Variants in CAMK1 observed in about 807,000 individuals in gnomAD.
CAMK1 encodes the protein calcium/calmodulin dependent protein kinase I, also known as calcium/calmodulin-dependent protein kinase type 1.
A neutral mutation model predicts 49.1 loss-of-function variants in CAMK1; 39 were observed. The observed-to-expected ratio is 0.79, with a 90% CI of 0.62 to 1.04. The LOEUF is 1.04. Among genes scored for constraint, CAMK1 ranks in the 50% least tolerant of loss-of-function variants. CAMK1 has a pLI of 0.00. For missense variants in CAMK1, 457 were observed against 472.2 expected (o/e 0.97, Z 0.30); for synonymous variants, 192 against 185.2 (o/e 1.04, Z -0.30).
chr3:9,769,066 A>T (rs1391733299), intron 1 of CAMK1, among the ~76,000 whole-genome samples: 1 of 151,948 alleles, frequency 6.6e-6, no homozygotes, highest in African/African-American at 2.4e-5. Context: ...TTGTATCCAC[A>T]TCCCGTGACA....
In CAMK1 at chr3:9,761,651, C is replaced by T. The variant is rs1207464278; in HGVS notation, c.536G>A (p.Cys179Tyr). The T allele has an allele frequency of 6.2e-7, 1 of 1,614,180 alleles. No homozygotes were observed. The highest frequency in any genetic ancestry group is 8.5e-7 in the Non-Finnish European group (1 of 1,180,014). The change falls in exon 6 of 12, where the codon TGT becomes TAT. Residue 179 changes from cysteine (C) to tyrosine (Y), a missense_variant. Coordinates refer to ENST00000256460, the MANE Select transcript of CAMK1 (RefSeq NM_003656.5). Reference sequence around the variant, plus strand: ...CGCACCCACGTATCCCGGAGTTCCACAGGCGGTGGAGAGCACACTGCCCGG... The same window carrying T: ...CGCACCCACGTATCCCGGAGTTCCATAGGCGGTGGAGAGCACACTGCCCGG... ...EDPGSVLSTA[C>Y]GTPGYVAPEV...
At chr3:9,759,965 G>A (rs982576391) in intron 8 of CAMK1, 35 of 606,420 alleles carry the variant, frequency 5.8e-5, no homozygotes, top group South Asian at 1.8e-4. Context: ...ACATATGGCC[G>A]GGCACAGTGG....
chr3:9,762,702 T>C (rs376643136), intron 5 of CAMK1, among the ~76,000 whole-genome samples: 13 of 152,214 alleles, frequency 8.5e-5, no homozygotes, highest in East Asian at 3.9e-4. Flanking sequence ...GACAAAATGT[T>C]GTTTGGATAA....
chr3:9,759,945 CTT>C (rs2077770896), intron 8 of CAMK1, 195 bp from the exon 9 acceptor site: 1 of 775,782 alleles, frequency 1.3e-6, no homozygotes, highest in Non-Finnish European at 2.0e-6. Flanking sequence ...TCCTTTCTCT[CTT>C]AAGAAAAACA....
Position 9,757,872 on chromosome 3 carries a change from A to T in CAMK1, c.913-26T>A. The T allele has an allele frequency of 6.3e-7, 1 of 1,581,974 alleles. No individual in the cohort carries two copies. Among genetic ancestry groups the T allele is most frequent in the South Asian group, 1.1e-5 (1 of 88,424 alleles). ...CTGGCATTGAAGGCATTGAAGGGAG[A>T]GGGGAGAAAGGACTTTTGAGAGAGT... On this transcript the variant is annotated intron_variant, in intron 10 of 11. Transcript: ENST00000256460. The surrounding 1 kb of genome is among the most constrained non-coding windows in gnomAD (Gnocchi z 4.5).
rs1310854701 is a variant in CAMK1 at position 9,764,611 on chromosome 3, G to GT, written c.215+1147dup. The stretch of plus-strand genomic sequence containing the variant: ...ACAGGCGTGAGCCACTGCGCCTGGC[G>GT]TTTTTGTTTTTTTTTTGTTTTTTTT... On this transcript the variant is annotated intron_variant, in intron 3 of 11. Transcript: ENST00000256460. 2.6e-3 allele frequency among the ~76,000 whole-genome samples: 330 copies of GT among 125,084 alleles called. 27 individuals are homozygous for GT. The highest frequency in any genetic ancestry group is 8.9e-3 in the East Asian group (29 of 3,246). The allele number at this position is 125,084 out of a possible 152,430, so 82.1% of individuals were successfully genotyped here.
intron 8 of CAMK1, 50 bp downstream of exon 8, chr3:9,760,606 G>A (rs1442743840): frequency 1.9e-6 from 3 of 1,596,290 alleles, no homozygotes; most frequent in Middle Eastern, 1.7e-4. Flanking sequence ...AAGCAGGTGA[G>A]GGAGGAACCA....
chr3:9,758,818 C>G (rs2077709748), intron 10 of CAMK1: 1 of 278,516 alleles, frequency 3.6e-6, no homozygotes, highest in Non-Finnish European at 7.0e-6. Context: ...TTAGTAGAGA[C>G]AGGGTTTTGC....
intron 8 of CAMK1, 146 bp downstream of exon 8, chr3:9,760,509 AG>A (rs1025896491): frequency 3.4e-5 from 24 of 696,468 alleles, no homozygotes; most frequent in Non-Finnish European, 5.4e-5. Context: ...AGAAGGAAGA[AG>A]GGGTAGGGTG....
intron 3 of CAMK1, among the ~76,000 whole-genome samples, chr3:9,765,326 A>G (rs2078104058): frequency 6.6e-6 from 1 of 152,122 alleles, no homozygotes; most frequent in South Asian, 2.1e-4. Context: ...AGGAGGTTTC[A>G]TATCAGCATG....
intron 3 of CAMK1, 122 bp from the exon 4 acceptor site, chr3:9,763,335 G>T: frequency 8.5e-7 from 1 of 1,176,522 alleles, no homozygotes; most frequent in Middle Eastern, 2.7e-4. Flanking sequence ...CAAAGCTGCA[G>T]TCTGTTATGA....
rs867535337 is a variant in CAMK1, at chr3:9,757,617, C to T, written c.1035G>A (p.Pro345=). 11 of 1,614,054 alleles carry T rather than the reference C, an allele frequency of 6.8e-6. No homozygotes were observed. The highest frequency in any genetic ancestry group is 4.0e-5 in the African/African-American group (3 of 74,924). ...GELLTPVAGG[P]AAGCCCRDCC... ...AGTCTCGACAGCAACAGCCAGCTGCCGGCCCTGCATGGGAAGACAGAACAG... is the reference window on the plus strand; with the variant it reads ...AGTCTCGACAGCAACAGCCAGCTGCTGGCCCTGCATGGGAAGACAGAACAG... Residue 345 remains proline, a synonymous_variant, in exon 12 of 12, where the codon CCG becomes CCA. Coordinates refer to ENST00000256460, the MANE Select transcript of CAMK1 (RefSeq NM_003656.5). The surrounding 1 kb of genome is among the most constrained non-coding windows in gnomAD (Gnocchi z 4.5).
chr3:9,762,802 G>A (rs1271757136), intron 5 of CAMK1, 112 bp downstream of exon 5: 2 of 1,030,670 alleles, frequency 1.9e-6, no homozygotes, highest in East Asian at 2.4e-5. Flanking sequence ...CTTTGTAGAT[G>A]GAAATCCAAG....
rs2077629351 is a variant in CAMK1, at chr3:9,757,412, G to A, written c.*127C>T. ...TAGAAACATTTGTATGGAAAATGCA[G>A]TGAGGAGTGGTAGGGAAGCAGGTGA... On this transcript the variant is annotated 3_prime_UTR_variant, in exon 12 of 12. Coordinates refer to ENST00000256460, the MANE Select transcript of CAMK1 (RefSeq NM_003656.5). This position sits in a 1 kb window ranked among gnomAD's most constrained non-coding sequence, Gnocchi z 4.5. 6.2e-7 allele frequency: 1 copy of A among 1,609,546 alleles called. No individual in the cohort carries two copies. Among genetic ancestry groups the A allele is most frequent in the Non-Finnish European group, 8.5e-7 (1 of 1,177,654 alleles).
chr3:9,761,466 G>A lies in CAMK1; in HGVS notation c.627C>T (p.Tyr209=), dbSNP rs754886145. The A allele has an allele frequency of 3.1e-6, 5 of 1,611,312 alleles. No homozygotes were observed. Among genetic ancestry groups the A allele is most frequent in the Non-Finnish European group, 3.4e-6 (4 of 1,178,594 alleles). Residue 209 remains tyrosine (Y), a synonymous_variant, in exon 7 of 12, where the codon TAC becomes TAT. Transcript: ENST00000256460. The part of the protein sequence containing the change: ...VDCWSIGVIA[Y]ILLCGYPPFY... Reference sequence around the variant, plus strand: ...CATGGCCAAGCCCCACTTACAAGATGTAGGCGATGACACCTATGGACCAGC... The same window carrying A: ...CATGGCCAAGCCCCACTTACAAGATATAGGCGATGACACCTATGGACCAGC...
At chr3:9,766,585 G>T (rs1369580770) in intron 2 of CAMK1, 1 of 953,408 alleles carries the variant, frequency 1.0e-6, no homozygotes, top group East Asian at 7.1e-5. Flanking sequence ...TATGCTCATT[G>T]AACTTTAAGA....
In CAMK1 at chr3:9,762,908, C is replaced by T. The variant is rs1349393601; in HGVS notation, c.429+6G>A. The T allele has an allele frequency of 9.3e-6, 15 of 1,613,956 alleles. No homozygotes were observed. The South Asian group carries it at 1.4e-4, about 15-fold the overall frequency. On this transcript the variant is annotated splice_donor_region_variant and intron_variant, in intron 5 of 11. Transcript: ENST00000256460. ...CCCTAGCTCACCACACCCCCTTGAG[C>T]CCCACCTTGAGATCCCGGTGTACAA...
intron 7 of CAMK1, 47 bp downstream of exon 7, chr3:9,761,414 G>C (rs2077864240): frequency 6.4e-7 from 1 of 1,566,820 alleles, no homozygotes; most frequent in Non-Finnish European, 8.7e-7. Flanking sequence ...AAGTAGGCGA[G>C]AGGACAACTC....
Position 9,757,977 on chromosome 3 carries a change from C to T in CAMK1, c.913-131G>A. On this transcript the variant is annotated intron_variant, in intron 10 of 11. Transcript: ENST00000256460. This position sits in a 1 kb window ranked among gnomAD's most constrained non-coding sequence, Gnocchi z 4.5. ...TTCAGGAGTTATTTTATTAATTCCC[C>T]TAAAGCCCCCCAAAAACCTCTACAA... 7.0e-7 allele frequency: 1 copy of T among 1,433,442 alleles called. No homozygotes were observed. The highest frequency in any genetic ancestry group is 9.2e-7 in the Non-Finnish European group (1 of 1,085,540). 88.8% of individuals were successfully genotyped at this position (1,433,442 alleles called of 1,614,324 possible).
Sources: gnomAD v4.1 joint callset for allele counts (sites outside exome capture counted in the v4.1 genomes callset) on GRCh38, gnomAD v4.1.1 for gene constraint, Gnocchi (gnomAD v3.1) non-coding constraint, MANE v1.5 for transcripts, NCBI Gene and HGNC (gene_info 2026-07-23, HGNC 2026-07-21) for gene names.